Variants in C12orf42 observed in about 807,000 individuals in gnomAD.
The protein encoded by C12orf42 is uncharacterized protein C12orf42.
Under a neutral mutation model 21.6 loss-of-function variants are expected in C12orf42, and 25 were observed. The observed-to-expected ratio is 1.16, with a 90% CI of 0.84 to 1.62. The LOEUF (loss-of-function observed/expected upper bound fraction) is 1.62. Among genes scored for constraint, C12orf42 ranks in the 40% most tolerant of loss-of-function variants. The pLI is 0.00. For synonymous variants in C12orf42, 174 were observed against 175.0 expected (o/e 0.99, Z 0.05); for missense variants, 483 against 459.3 (o/e 1.05, Z -0.47).
At chr12:103,223,186 G>A in the C12orf42 span, among the ~76,000 whole-genome samples, 68 of 152,122 alleles carry the variant, frequency 4.5e-4, 1 homozygote, top group Non-Finnish European at 7.2e-4. Flanking sequence ...TTGGGGTGGC[G>A]AAAATTTTTG....
At chr12:103,397,136 T>C (rs1259630069) in intron 3 of C12orf42, among the ~76,000 whole-genome samples, 1 of 152,244 alleles carries the variant, frequency 6.6e-6, no homozygotes, top group Non-Finnish European at 1.5e-5. Flanking sequence ...CTTGATACTT[T>C]CATTCGCCAT....
chr12:103,094,708 A>G, the C12orf42 span, among the ~76,000 whole-genome samples: 1 of 152,210 alleles, frequency 6.6e-6, no homozygotes. Context: ...TCATCTAGAA[A>G]GCCTAGATGT....
At chr12:103,173,675 AC>A in the C12orf42 span, among the ~76,000 whole-genome samples, 2 of 151,766 alleles carry the variant, frequency 1.3e-5, no homozygotes, top group Non-Finnish European at 1.5e-5. Context: ...AAACAAATGC[AC>A]CCTTCCCTCT....
intron 2 of C12orf42, among the ~76,000 whole-genome samples, chr12:103,445,678 A>G (rs1951534945): frequency 6.6e-6 from 1 of 151,600 alleles, no homozygotes; most frequent in Admixed American, 6.6e-5. Flanking sequence ...TATTGCAAAT[A>G]CTCTCTCCCA....
At chr12:103,344,012 T>C (rs1387732463) in intron 4 of C12orf42, among the ~76,000 whole-genome samples, 4 of 152,168 alleles carry the variant, frequency 2.6e-5, no homozygotes, top group Non-Finnish European at 5.9e-5. Context: ...ATGAAAGACA[T>C]TGATCTTTTT....
the C12orf42 span, among the ~76,000 whole-genome samples, chr12:103,062,820 T>C: frequency 6.6e-6 from 1 of 152,188 alleles, no homozygotes; most frequent in Non-Finnish European, 1.5e-5. Context: ...TCTAATAATT[T>C]TTTTACAAAT....
chr12:103,368,856 TG>T (rs1325981757), intron 4 of C12orf42, 30 bp downstream of exon 4: 1 of 1,184,110 alleles, frequency 8.4e-7, no homozygotes, highest in Non-Finnish European at 1.2e-6. Flanking sequence ...TTGGAAACTC[TG>T]GTCTGTCTTG....
At chr12:103,533,686 A>G in the C12orf42 span, among the ~76,000 whole-genome samples, 1 of 152,242 alleles carries the variant, frequency 6.6e-6, no homozygotes, top group African/African-American at 2.4e-5. Flanking sequence ...AATGTCTGCA[A>G]CTTGATTTTG....
the C12orf42 span, among the ~76,000 whole-genome samples, chr12:103,216,445 G>A: frequency 5.3e-3 from 789 of 149,468 alleles, 3 homozygotes; most frequent in African/African-American, 0.018. Context: ...ATCTCTGCTC[G>A]CTGCAGGCTC....
chr12:103,111,279 C>G, the C12orf42 span, among the ~76,000 whole-genome samples: 3 of 152,024 alleles, frequency 2.0e-5, no homozygotes, highest in Non-Finnish European at 2.9e-5. Context: ...TTTATGATTT[C>G]TATTTTCTCC....
intron 4 of C12orf42, among the ~76,000 whole-genome samples, chr12:103,367,088 T>C (rs1034669845): frequency 6.6e-6 from 1 of 151,734 alleles, no homozygotes; most frequent in Non-Finnish European, 1.5e-5. Flanking sequence ...AACCGTGATA[T>C]ATATATGATG....
chr12:103,449,557 A>G (rs1013685645), intron 2 of C12orf42, among the ~76,000 whole-genome samples: 7 of 152,054 alleles, frequency 4.6e-5, no homozygotes, highest in Non-Finnish European at 1.0e-4. Flanking sequence ...AAAATAAGAT[A>G]ATAATATGTT....
chr12:103,521,611 G>A, the C12orf42 span, among the ~76,000 whole-genome samples: 2 of 152,272 alleles, frequency 1.3e-5, no homozygotes, highest in African/African-American at 4.8e-5. Flanking sequence ...GTTGATAGGT[G>A]CAGCAAACCA....
At chr12:103,318,179 C>T (rs2136788563) in intron 4 of C12orf42, among the ~76,000 whole-genome samples, 1 of 152,246 alleles carries the variant, frequency 6.6e-6, no homozygotes, top group South Asian at 2.1e-4. Flanking sequence ...GTCTTAGCTA[C>T]TCCAGAGGTT....
intron 1 of C12orf42, among the ~76,000 whole-genome samples, chr12:103,494,573 T>C (rs953465002): frequency 2.0e-5 from 3 of 152,074 alleles, no homozygotes; most frequent in African/African-American, 7.2e-5. Context: ...AAAACCACTA[T>C]CTGCAGTTAC....
intron 2 of C12orf42, among the ~76,000 whole-genome samples, chr12:103,415,094 C>T (rs190381953): frequency 2.1e-4 from 32 of 149,300 alleles, no homozygotes; most frequent in Non-Finnish European, 3.0e-5. Flanking sequence ...AAACAGAAAA[C>T]AACAACAAAA....
chr12:103,107,581 C>A, the C12orf42 span, among the ~76,000 whole-genome samples: 2 of 151,584 alleles, frequency 1.3e-5, no homozygotes, highest in Admixed American at 6.6e-5. Flanking sequence ...ATAAGCACTA[C>A]CTTTTAAAGA....
At chr12:103,069,265 A>G in the C12orf42 span, among the ~76,000 whole-genome samples, 1 of 151,252 alleles carries the variant, frequency 6.6e-6, no homozygotes, top group African/African-American at 2.4e-5. Flanking sequence ...TTATCTTGCA[A>G]TATATTTCCT....
intron 2 of C12orf42, chr12:103,431,276 A>G (rs1247591023): frequency 6.6e-6 from 1 of 152,188 alleles, no homozygotes; most frequent in Non-Finnish European, 1.5e-5. Context: ...TGTCTCAGAG[A>G]CATTAGGAGA....
Sources: allele counts gnomAD v4.1 joint callset (sites outside exome capture counted in the v4.1 genomes callset), GRCh38; gene constraint gnomAD v4.1.1; transcripts MANE v1.5; gene names NCBI Gene and HGNC (gene_info 2026-07-23, HGNC 2026-07-21).